The following CCAR2 variants were observed in gnomAD, a reference collection of about 807,000 sequenced individuals.
CCAR2 encodes the protein cell cycle and apoptosis regulator protein 2.
CCAR2 carries 21 observed loss-of-function variants against 108.1 expected under a neutral mutation model. The observed-to-expected ratio is 0.19, with a 90% CI of 0.14 to 0.28. CCAR2 has a LOEUF of 0.28. Among genes scored for constraint, CCAR2 ranks in the 10% least tolerant of loss-of-function variants. The pLI is 1.00. For synonymous variants in CCAR2, 577 were observed against 472.8 expected (o/e 1.22, Z -2.86); for missense variants, 1,126 against 1,177.0 (o/e 0.96, Z 0.63).
intron 16 of CCAR2, chr8:22,618,094 T>C: frequency 1.7e-6 from 1 of 595,910 alleles, no homozygotes; most frequent in Non-Finnish European, 3.0e-6. Flanking sequence ...TGTTTTGTTT[T>C]TTAGAGACGG....
intron 3 of CCAR2, 58 bp from the exon 4 acceptor site, chr8:22,606,549 A>T (rs550715165): frequency 2.2e-5 from 30 of 1,356,390 alleles, no homozygotes; most frequent in Non-Finnish European, 3.0e-5. Context: ...TTCATGGCAG[A>T]GTGTGATTTT....
intron 11 of CCAR2, 25 bp from the exon 12 acceptor site, chr8:22,615,396 AAGTT>A (rs750879454): frequency 6.2e-7 from 1 of 1,603,646 alleles, no homozygotes; most frequent in East Asian, 2.2e-5. Flanking sequence ...GTCACTAAAG[AAGTT>A]AGTACCTCCT....
At position 22,607,152 on chromosome 8, in the gene CCAR2, C is replaced by T. The variant is rs765620287; in HGVS notation, c.358-44C>T. ...TGCATCTTTCCAAGGTAGTGAGTGC[C>T]TCAACCATGGGGTCCCCTGAATTTC... On this transcript the variant is annotated intron_variant, in intron 5 of 20. Transcript: ENST00000308511. 3.1e-6 allele frequency: 5 copies of T among 1,611,370 alleles called. No homozygotes were observed. The African/African-American group carries it at 4.0e-5, about 13-fold the overall frequency.
At chr8:22,615,367 G>C (rs1801458706) in intron 11 of CCAR2, 58 bp from the exon 12 acceptor site, 1 of 1,568,020 alleles carries the variant, frequency 6.4e-7, no homozygotes, top group East Asian at 2.2e-5. Flanking sequence ...GCCTGTGAAC[G>C]TGGTGTCTGC....
At position 22,619,894 on chromosome 8, in the gene CCAR2, A is replaced by C; in HGVS notation, c.*212A>C. ...GTGAGGAACCCCGGTTCCACTTAAC[A>C]ACTAAATACAACATCTTTTGCACCC... is the stretch of plus-strand genomic sequence containing the variant. On this transcript the variant is annotated 3_prime_UTR_variant, in exon 21 of 21. Coordinates refer to ENST00000308511, the MANE Select transcript of CCAR2 (RefSeq NM_001393997.1). 1.7e-6 allele frequency: 1 copy of C among 585,848 alleles called. No individual in the cohort carries two copies. The highest frequency in any genetic ancestry group is 3.1e-6 in the Non-Finnish European group (1 of 327,228). 36.3% of individuals were successfully genotyped at this position (585,848 alleles called of 1,614,324 possible). A position where few individuals can be genotyped will look rare whatever the true frequency, so the allele number is the denominator to read the frequency against.
intron 7 of CCAR2, among the ~76,000 whole-genome samples, chr8:22,609,968 CA>C (rs35724503): frequency 0.31 from 47,513 of 151,938 alleles, 7,639 homozygotes; most frequent in South Asian, 0.37. Context: ...ACATGGCACT[CA>C]AAAGGAAATG....
intron 1 of CCAR2, 52 bp from the exon 2 acceptor site, chr8:22,605,684 T>C (rs1563901893): frequency 9.2e-7 from 1 of 1,084,020 alleles, no homozygotes; most frequent in Non-Finnish European, 1.4e-6. Context: ...TTTCCGGGTA[T>C]AGATGGAAAT....
Position 22,604,813 on chromosome 8 carries a change from T to TC in CCAR2, c.-62dup, listed in dbSNP as rs931265953. 6.6e-6 allele frequency: 3 copies of TC among 454,834 alleles called. No individual in the cohort carries two copies. Among genetic ancestry groups the TC allele is most frequent in the Middle Eastern group, 4.7e-4 (1 of 2,146 alleles). 28.2% of individuals were successfully genotyped at this position (454,834 alleles called of 1,614,324 possible). ...GCTGTGGTGGTTCCGGGTGTCTTTGTCCCCCCGGTGTCGCTGCCCTGGCCC... is the reference window on the plus strand; with the variant it reads ...GCTGTGGTGGTTCCGGGTGTCTTTGTCCCCCCCGGTGTCGCTGCCCTGGCCC... On this transcript the variant is annotated 5_prime_UTR_variant, in exon 1 of 21. Coordinates refer to ENST00000308511, the MANE Select transcript of CCAR2 (RefSeq NM_001393997.1).
At position 22,615,651 on chromosome 8, in the gene CCAR2, C is replaced by G. The variant is rs201838820; in HGVS notation, c.1378-31C>G. ...GATATAGGTGGCCTAATCCCGGGAC[C>G]CAGAGGGTCTCATTTCAGCTGTTGT... On this transcript the variant is annotated intron_variant, in intron 12 of 20. Coordinates refer to ENST00000308511, the MANE Select transcript of CCAR2 (RefSeq NM_001393997.1). 4.1e-5 allele frequency: 66 copies of G among 1,613,564 alleles called. No individual in the cohort carries two copies. In the African/African-American group the frequency reaches 8.1e-4, roughly 20 times the overall value.
At chr8:22,619,052 T>C in intron 19 of CCAR2, 37 bp downstream of exon 19, 1 of 1,607,398 alleles carries the variant, frequency 6.2e-7, no homozygotes, top group Non-Finnish European at 8.5e-7. Context: ...TGGGGTCACA[T>C]GCAGACCAGT....
intron 16 of CCAR2, 36 bp from the exon 17 acceptor site, chr8:22,618,313 A>G (rs766798111): frequency 5.6e-6 from 9 of 1,613,486 alleles, no homozygotes; most frequent in East Asian, 2.2e-5. Flanking sequence ...TGAGGGAACT[A>G]TTTGCAAATC....
intron 7 of CCAR2, among the ~76,000 whole-genome samples, chr8:22,609,557 G>C (rs926695049): frequency 2.0e-5 from 3 of 152,180 alleles, no homozygotes; most frequent in African/African-American, 7.2e-5. Context: ...ATATTCATAA[G>C]TATATAAATA....
chr8:22,612,774 C>T, intron 7 of CCAR2: 1 of 321,310 alleles, frequency 3.1e-6, no homozygotes, highest in Non-Finnish European at 5.6e-6. Flanking sequence ...TTTGCAGTAG[C>T]TGAGGCCTAC....
At chr8:22,621,460 T>C (rs368026258), downstream of CCAR2, 12 of 1,613,844 alleles carry the variant, frequency 7.4e-6, no homozygotes, top group African/African-American at 1.1e-4. Flanking sequence ...CGGAGCTCAC[T>C]GAGTTTGGCC....
Position 22,614,210 on chromosome 8 carries a change from C to G in CCAR2, c.823C>G (p.Leu275Val). 6.2e-7 allele frequency: 1 copy of G among 1,614,104 alleles called. No homozygotes were observed. The highest frequency in any genetic ancestry group is 8.5e-7 in the Non-Finnish European group (1 of 1,180,046). Residue 275 changes from leucine (L) to valine (V), a missense_variant, in exon 9 of 21, where the codon CTC (leucine) becomes GTC (valine). Leu to Val is a conservative substitution (Grantham distance 32, BLOSUM62 1). Coordinates refer to ENST00000308511, the MANE Select transcript of CCAR2 (RefSeq NM_001393997.1). Reference sequence around the variant, plus strand: ...CTTCCCCCTGAGCCAGCCCTTTTCCCTCCATCATCCAAGCCGGATCCAGGT... The same window carrying G: ...CTTCCCCCTGAGCCAGCCCTTTTCCGTCCATCATCCAAGCCGGATCCAGGT... ...SAFPLSQPFS[L>V]HHPSRIQVSS... is the part of the protein sequence containing the mutation.
chr8:22,609,052 C>CTTTTT (rs71546822), intron 7 of CCAR2, among the ~76,000 whole-genome samples: 1 of 133,154 alleles, frequency 7.5e-6, no homozygotes, highest in Non-Finnish European at 1.6e-5. Flanking sequence ...CTTTTTTTTT[C>CTTTTT]TTTTTTTTTT....
In CCAR2 at chr8:22,607,220, C is replaced by T. The variant is rs1801110828; in HGVS notation, c.382C>T (p.Pro128Ser). Residue 128 changes from proline to serine, a missense_variant, in exon 6 of 21, where the codon CCT (proline) becomes TCT (serine). Physicochemically the swap from Pro to Ser is moderately conservative, Grantham distance 74. Coordinates refer to ENST00000308511, the MANE Select transcript of CCAR2 (RefSeq NM_001393997.1). The stretch of plus-strand genomic sequence containing the variant: ...GCCCCTACTGAAGTCCCCAGCACCT[C>T]CTCTTCTGCATGTAGCAGCCCTGGG... ...NQPLLKSPAP[P>S]LLHVAALGQK... 1.2e-6 allele frequency: 2 copies of T among 1,613,966 alleles called. No individual in the cohort carries two copies. The highest frequency in any genetic ancestry group is 1.1e-5 in the South Asian group (1 of 91,084).
chr8:22,614,802 AGTT>A (rs1204884269), intron 10 of CCAR2, 33 bp from the exon 11 acceptor site: 12 of 1,552,378 alleles, frequency 7.7e-6, no homozygotes, highest in Non-Finnish European at 9.7e-6. Context: ...CAGGTAATGT[AGTT>A]TTTTGTTTTG....
At chr8:22,606,527 T>G in intron 3 of CCAR2, 80 bp from the exon 4 acceptor site, 13 of 1,136,816 alleles carry the variant, frequency 1.1e-5, no homozygotes, top group Non-Finnish European at 1.6e-5. Context: ...GGGCGTGGGT[T>G]GAGATGAGAC....
Sources: gnomAD v4.1 joint callset for allele counts (sites outside exome capture counted in the v4.1 genomes callset) on GRCh38, gnomAD v4.1.1 for gene constraint, MANE v1.5 for transcripts, NCBI Gene and HGNC (gene_info 2026-07-23, HGNC 2026-07-21) for gene names.